EIF5B: variants seen among roughly 807,000 people sequenced by gnomAD.
EIF5B encodes eukaryotic translation initiation factor 5B.
EIF5B carries 47 observed loss-of-function variants against 147.5 expected under a neutral mutation model. The ratio of observed to expected loss-of-function variants is 0.32; its 90% CI spans 0.25 to 0.41. EIF5B has a LOEUF of 0.41. Among genes scored for constraint, EIF5B ranks in the 10% least tolerant of loss-of-function variants. The probability of loss-of-function intolerance (pLI) is 1.00; values close to 1 mark genes in which losing one functional copy is unlikely to be tolerated. For missense variants in EIF5B, 1,064 were observed against 1,413.2 expected (o/e 0.75, Z 3.96); for synonymous variants, 455 against 456.2 (o/e 1.00, Z 0.03).
chr2:99,391,282 G>C (rs566228918), intron 17 of EIF5B, among the ~76,000 whole-genome samples: 1 of 152,298 alleles, frequency 6.6e-6, no homozygotes, highest in Non-Finnish European at 1.5e-5. Context: ...AGCTGAGAGG[G>C]AAGAAGGAGA....
Position 99,393,079 on chromosome 2 carries a change from A to G in EIF5B, c.2861A>G (p.Asp954Gly). 6.4e-7 allele frequency: 1 copy of G among 1,554,264 alleles called. No homozygotes were observed. The highest frequency in any genetic ancestry group is 8.7e-7 in the Non-Finnish European group (1 of 1,154,048). Reference protein sequence around the residue: ...GLPLLVAYKEDEIPVLKDELI... With the variant: ...GLPLLVAYKEGEIPVLKDELI... ...CCCCTCCTTGTGGCTTATAAAGAAG[A>G]TGAAATCCCTGTTCTTAAAGTAAGT... The change falls in exon 18 of 24, where the codon GAT (aspartate) becomes GGT (glycine). Residue 954 changes from aspartate to glycine, a missense_variant. Transcript: ENST00000289371.
intron 21 of EIF5B, among the ~76,000 whole-genome samples, chr2:99,396,065 G>T (rs781581633): frequency 3.9e-5 from 6 of 152,166 alleles, no homozygotes; most frequent in Non-Finnish European, 7.3e-5. Context: ...CAAGCAAGAG[G>T]TCTAGGTGAT....
intron 1 of EIF5B, among the ~76,000 whole-genome samples, chr2:99,355,726 C>A (rs561730088): frequency 4.0e-5 from 6 of 151,022 alleles, no homozygotes; most frequent in African/African-American, 9.7e-5. Context: ...AATTCTCCTG[C>A]CCCAGTCTCC....
At chr2:99,371,311 A>G (rs1674442390) in intron 8 of EIF5B, among the ~76,000 whole-genome samples, 1 of 152,024 alleles carries the variant, frequency 6.6e-6, no homozygotes, top group African/African-American at 2.4e-5. Flanking sequence ...ACACGGTGAA[A>G]CCCCGTCTCT....
At chr2:99,375,031 T>C (rs1008826103) in intron 9 of EIF5B, among the ~76,000 whole-genome samples, 1 of 152,212 alleles carries the variant, frequency 6.6e-6, no homozygotes, top group African/African-American at 2.4e-5. Flanking sequence ...TCATTTGTTA[T>C]ATTTTTCAGT....
chr2:99,355,612 T>G (rs1674079554), intron 1 of EIF5B, among the ~76,000 whole-genome samples: 1 of 37,344 alleles, frequency 2.7e-5, no homozygotes, highest in South Asian at 1.2e-3. Flanking sequence ...TTTTTTGGGT[T>G]TTTTTTTTTT....
chr2:99,344,439 T>C (rs542700853), intron 1 of EIF5B, among the ~76,000 whole-genome samples: 1 of 128,560 alleles, frequency 7.8e-6, no homozygotes, highest in South Asian at 2.8e-4. Context: ...TTGTTGTTTC[T>C]GGGTTTTTTT....
chr2:99,351,424 A>G (rs1673951811), intron 1 of EIF5B, among the ~76,000 whole-genome samples: 1 of 152,212 alleles, frequency 6.6e-6, no homozygotes, highest in Non-Finnish European at 1.5e-5. Context: ...ACATTTGAGT[A>G]TAAGTCTTTG....
intron 23 of EIF5B, 195 bp from the exon 24 acceptor site, chr2:99,399,112 G>C (rs1675138366): frequency 2.6e-6 from 2 of 776,708 alleles, no homozygotes; most frequent in Non-Finnish European, 4.0e-6. Flanking sequence ...GAGAAAGCTA[G>C]GACTTTTAGG....
At chr2:99,383,092 T>C (rs907539580) in intron 14 of EIF5B, among the ~76,000 whole-genome samples, 171 bp downstream of exon 14, 8 of 152,124 alleles carry the variant, frequency 5.3e-5, no homozygotes, top group African/African-American at 1.7e-4. Flanking sequence ...TTTTTTTTTT[T>C]TAAATACAAA....
chr2:99,393,091 T>C lies in EIF5B; in HGVS notation c.2873T>C (p.Val958Ala), dbSNP rs1420714731. Residue 958 changes from valine to alanine, a missense_variant, in exon 18 of 24, where the codon GTT becomes GCT. This residue lies in a region of EIF5B where 380 missense variants were observed against 715.6 expected (regional missense o/e 0.53). Transcript: ENST00000289371. ...LVAYKEDEIP[V>A]LKDELIHELK... ...GCTTATAAAGAAGATGAAATCCCTG[T>C]TCTTAAAGTAAGTTCATTTAAAAAT... The C allele has an allele frequency of 1.3e-6, 2 of 1,544,072 alleles. No homozygotes were observed. Among genetic ancestry groups the C allele is most frequent in the Admixed American group, 2.1e-5 (1 of 47,002 alleles).
chr2:99,353,601 A>C (rs934758155), intron 1 of EIF5B, among the ~76,000 whole-genome samples: 15 of 152,030 alleles, frequency 9.9e-5, no homozygotes, highest in Non-Finnish European at 1.9e-4. Context: ...TATATCCATT[A>C]CACAGTCAAG....
At chr2:99,389,440 T>C (rs1674878104) in intron 14 of EIF5B, among the ~76,000 whole-genome samples, 2 of 152,216 alleles carry the variant, frequency 1.3e-5, no homozygotes, top group African/African-American at 4.8e-5. Flanking sequence ...ATTAATAGTC[T>C]TAGGATAATT....
At chr2:99,366,318 A>G (rs539748188) in intron 6 of EIF5B, among the ~76,000 whole-genome samples, 5 of 152,206 alleles carry the variant, frequency 3.3e-5, no homozygotes, top group East Asian at 1.9e-4. Context: ...ACCACCCTTC[A>G]GGTAATCCAG....
intron 14 of EIF5B, among the ~76,000 whole-genome samples, chr2:99,387,616 T>C (rs1324815658): frequency 6.6e-6 from 1 of 152,148 alleles, no homozygotes; most frequent in Admixed American, 6.5e-5. Context: ...TTCTTTATAT[T>C]GTTTTGGCTA....
chr2:99,399,045 C>G, intron 23 of EIF5B, 136 bp downstream of exon 23: 3 of 1,072,296 alleles, frequency 2.8e-6, no homozygotes, highest in Non-Finnish European at 4.0e-6. Context: ...AGGGCTTGAC[C>G]TCTAGCTGGG....
intron 12 of EIF5B, among the ~76,000 whole-genome samples, chr2:99,380,454 A>G (rs1203410450): frequency 1.3e-5 from 2 of 152,192 alleles, no homozygotes; most frequent in East Asian, 1.9e-4. Context: ...ATCTTTGCCC[A>G]GTGGTTGGCT....
intron 6 of EIF5B, among the ~76,000 whole-genome samples, chr2:99,367,038 C>T (rs181506482): frequency 1.3e-5 from 2 of 152,196 alleles, no homozygotes; most frequent in East Asian, 3.9e-4. Context: ...AAAATTGACC[C>T]AAATGGGTAT....
At chr2:99,347,985 A>G (rs2094276879) in intron 1 of EIF5B, among the ~76,000 whole-genome samples, 1 of 152,082 alleles carries the variant, frequency 6.6e-6, no homozygotes, top group Non-Finnish European at 1.5e-5. Flanking sequence ...AATCCCTGCA[A>G]CTCTGTGTTC....
Sources: allele counts gnomAD v4.1 joint callset (sites outside exome capture counted in the v4.1 genomes callset), GRCh38; gene constraint gnomAD v4.1.1; regional missense constraint gnomAD v4.1.1; transcripts MANE v1.5; gene names NCBI Gene and HGNC (gene_info 2026-07-23, HGNC 2026-07-21).